The following SOX6 variants were observed in gnomAD, a reference collection of about 807,000 sequenced individuals.
The protein encoded by SOX6 is SRY-box transcription factor 6, also known as transcription factor SOX-6.
SOX6 carries 11 observed loss-of-function variants against 97.8 expected under a neutral mutation model. That is an observed-to-expected ratio of 0.11 (90% CI 0.07 to 0.19). The LOEUF (loss-of-function observed/expected upper bound fraction) is 0.19. Among genes scored for constraint, SOX6 ranks in the 10% least tolerant of loss-of-function variants. SOX6 has a pLI of 1.00. For missense variants in SOX6, 810 were observed against 1,039.5 expected (o/e 0.78, Z 3.04); for synonymous variants, 360 against 371.4 (o/e 0.97, Z 0.35).
At chr11:16,513,667 C>T (rs779020421) in intron 4 of SOX6, among the ~76,000 whole-genome samples, 19 of 151,866 alleles carry the variant, frequency 1.3e-4, no homozygotes, top group Non-Finnish European at 2.4e-4. Context: ...AACCAGCAAA[C>T]GATGTAAGGG....
chr11:16,059,664 G>C lies in SOX6; in HGVS notation c.1102-3763C>G, dbSNP rs199673988. On this transcript the variant is annotated intron_variant, in intron 9 of 15. Coordinates refer to ENST00000683767, the MANE Select transcript of SOX6 (RefSeq NM_001367873.1). ...ATAACAAGCCTCTAAAGAAATTAAA[G>C]TTTCATAATTCTGTATGTAATGACT... is the stretch of plus-strand genomic sequence containing the variant. Among the ~76,000 whole-genome samples, 7 of 152,084 alleles carry C rather than the reference G, an allele frequency of 4.6e-5. No individual in the cohort carries two copies. The East Asian group carries it at 7.7e-4, about 17-fold the overall frequency.
chr11:15,997,617 C>T (rs1590118007), intron 13 of SOX6, among the ~76,000 whole-genome samples: 1 of 151,964 alleles, frequency 6.6e-6, no homozygotes, highest in African/African-American at 2.4e-5. Context: ...ATGGTTTTAA[C>T]AACATTCAAT....
intron 1 of SOX6, among the ~76,000 whole-genome samples, chr11:16,352,241 A>G (rs1011717042): frequency 2.7e-5 from 4 of 146,890 alleles, no homozygotes; most frequent in African/African-American, 1.0e-4. Flanking sequence ...GAATGAACCA[A>G]TGGGCAGATG....
intron 1 of SOX6, among the ~76,000 whole-genome samples, chr11:16,473,920 T>C (rs1314912942): frequency 6.6e-6 from 1 of 152,224 alleles, no homozygotes; most frequent in African/African-American, 2.4e-5. Flanking sequence ...TCATTCAAAG[T>C]TGGGTCAATC....
intron 6 of SOX6, among the ~76,000 whole-genome samples, chr11:16,176,032 A>T (rs1851172419): frequency 6.6e-6 from 1 of 151,410 alleles, no homozygotes. Flanking sequence ...GTATACTCCA[A>T]CCCTCAGGAT....
At chr11:16,209,682 G>A (rs955579652) in intron 4 of SOX6, among the ~76,000 whole-genome samples, 1 of 152,188 alleles carries the variant, frequency 6.6e-6, no homozygotes, top group African/African-American at 2.4e-5. Context: ...CAGCCTGGAA[G>A]GCGGAGATGG....
chr11:16,518,185 T>G (rs1379039733), intron 4 of SOX6, among the ~76,000 whole-genome samples: 1 of 152,182 alleles, frequency 6.6e-6, no homozygotes, highest in Non-Finnish European at 1.5e-5. Context: ...CAGCTTCATC[T>G]TGAAGACAGA....
At chr11:16,617,985 G>C (rs955764608) in intron 3 of SOX6, among the ~76,000 whole-genome samples, 15 of 151,800 alleles carry the variant, frequency 9.9e-5, no homozygotes, top group African/African-American at 3.4e-4. Context: ...AGAACAACTA[G>C]AGCAGAACTT....
At chr11:16,534,620 T>C (rs1323425165) in intron 4 of SOX6, among the ~76,000 whole-genome samples, 1 of 152,166 alleles carries the variant, frequency 6.6e-6, no homozygotes, top group African/African-American at 2.4e-5. Flanking sequence ...ACTTCACTCA[T>C]AGAATGGCTG....
At chr11:16,473,138 C>T (rs1277763414) in intron 1 of SOX6, among the ~76,000 whole-genome samples, 3 of 151,912 alleles carry the variant, frequency 2.0e-5, no homozygotes, top group East Asian at 1.9e-4. Flanking sequence ...ATAAAAAGTA[C>T]CTTTGTTCTC....
At chr11:16,727,267 C>T (rs542589271) in intron 2 of SOX6, among the ~76,000 whole-genome samples, 31 of 138,622 alleles carry the variant, frequency 2.2e-4, no homozygotes, top group African/African-American at 8.1e-4. Context: ...ATGTACTTCA[C>T]TTTATATGCT....
intron 12 of SOX6, among the ~76,000 whole-genome samples, chr11:16,028,240 AT>A (rs66505960): frequency 0.068 from 10,247 of 151,728 alleles, 504 homozygotes; most frequent in South Asian, 0.15. Flanking sequence ...ACTTTTTTTC[AT>A]TTTTTTTCCT....
intron 1 of SOX6, among the ~76,000 whole-genome samples, chr11:16,390,780 GT>G (rs1858150627): frequency 6.6e-6 from 1 of 152,196 alleles, no homozygotes; most frequent in African/African-American, 2.4e-5. Context: ...GGAAGAAAAT[GT>G]GGCGATGCCT....
intron 3 of SOX6, among the ~76,000 whole-genome samples, chr11:16,310,002 A>G (rs1033876049): frequency 6.6e-6 from 1 of 152,150 alleles, no homozygotes; most frequent in Non-Finnish European, 1.5e-5. Flanking sequence ...CCACAGTTCA[A>G]TAACAGGAAA....
At chr11:16,171,266 T>C (rs1851031122) in intron 6 of SOX6, among the ~76,000 whole-genome samples, 1 of 151,640 alleles carries the variant, frequency 6.6e-6, no homozygotes, top group South Asian at 2.1e-4. Context: ...CTGGATTTGA[T>C]AAGTAAAACC....
chr11:16,186,160 T>C (rs1436917684), intron 5 of SOX6, among the ~76,000 whole-genome samples: 2 of 152,298 alleles, frequency 1.3e-5, no homozygotes, highest in African/African-American at 2.4e-5. Flanking sequence ...TCAGGTCAAA[T>C]ACTTTTAGGA....
intron 11 of SOX6, among the ~76,000 whole-genome samples, chr11:16,047,272 C>T (rs1855862382): frequency 6.6e-6 from 1 of 152,090 alleles, no homozygotes. Flanking sequence ...CCGTACTCTC[C>T]AGTACCCCAG....
At chr11:16,498,366 A>G (rs1426959702) in intron 4 of SOX6, among the ~76,000 whole-genome samples, 7 of 152,350 alleles carry the variant, frequency 4.6e-5, no homozygotes, top group East Asian at 1.9e-4. Flanking sequence ...GCCAAATTGT[A>G]AAGACCATCG....
At chr11:16,297,182 A>T (rs1855118973) in intron 3 of SOX6, among the ~76,000 whole-genome samples, 1 of 152,154 alleles carries the variant, frequency 6.6e-6, no homozygotes, top group Non-Finnish European at 1.5e-5. Context: ...ATCTTATTCA[A>T]AACTATTTGT....
Sources: gnomAD v4.1 joint callset for allele counts (sites outside exome capture counted in the v4.1 genomes callset) on GRCh38, gnomAD v4.1.1 for gene constraint, MANE v1.5 for transcripts, NCBI Gene and HGNC (gene_info 2026-07-23, HGNC 2026-07-21) for gene names.